The following AP3S1 variants were observed in gnomAD, a reference collection of about 807,000 sequenced individuals.
AP3S1 encodes adaptor related protein complex 3 subunit sigma 1.
A neutral mutation model predicts 21.3 loss-of-function variants in AP3S1; 12 were observed. The observed-to-expected ratio is 0.56, with a 90% confidence interval of 0.36 to 0.91. The LOEUF (loss-of-function observed/expected upper bound fraction) is 0.91. AP3S1 is among the 40% of genes least tolerant of loss of function. The probability of loss-of-function intolerance (pLI) is 0.01; values close to 1 mark genes in which losing one functional copy is unlikely to be tolerated. For missense variants in AP3S1, 116 were observed against 225.0 expected (o/e 0.52, Z 3.10); for synonymous variants, 48 against 78.4 (o/e 0.61, Z 2.05).
At chr5:115,862,300 C>A (rs1763256606) in intron 1 of AP3S1, among the ~76,000 whole-genome samples, 1 of 151,194 alleles carries the variant, frequency 6.6e-6, no homozygotes, top group Non-Finnish European at 1.5e-5. Flanking sequence ...AAAAAACTTG[C>A]CAATTGTGTA....
chr5:115,842,077 C>T lies in AP3S1; in HGVS notation c.40C>T (p.Pro14Ser), dbSNP rs746872767. 2.5e-6 allele frequency: 4 copies of T among 1,582,784 alleles called. No individual in the cohort carries two copies. The highest frequency in any genetic ancestry group is 1.4e-5 in the African/African-American group (1 of 73,474). ...CCTAATCTTCAACAACCACGGGAAG[C>T]CGCGGCTCTCCAAGTTCTACCAGCC... ...AILIFNNHGK[P>S]RLSKFYQPYS... Residue 14 changes from proline to serine, a missense_variant, in exon 1 of 6, where the codon CCG becomes TCG. This residue lies in a region of AP3S1 where 50 missense variants were observed against 55.5 expected (regional missense o/e 0.90). Transcript: ENST00000316788.
At chr5:115,901,363 G>A (rs1232171542) in intron 4 of AP3S1, among the ~76,000 whole-genome samples, 1 of 142,564 alleles carries the variant, frequency 7.0e-6, no homozygotes, top group African/African-American at 2.6e-5. Flanking sequence ...ATAAGTTTCT[G>A]TATGAACTTT....
intron 3 of AP3S1, among the ~76,000 whole-genome samples, chr5:115,873,713 A>C (rs750573410): frequency 5.9e-5 from 9 of 152,156 alleles, no homozygotes; most frequent in Admixed American, 1.3e-4. Flanking sequence ...TCAAATAGCT[A>C]TTCAGAGAGA....
intron 1 of AP3S1, among the ~76,000 whole-genome samples, chr5:115,847,529 A>G (rs1762148297): frequency 1.3e-5 from 2 of 151,486 alleles, no homozygotes; most frequent in African/African-American, 4.9e-5. Flanking sequence ...CTGAGGTGAG[A>G]GGATCACTGA....
At chr5:115,899,458 T>A (rs970025961) in intron 4 of AP3S1, among the ~76,000 whole-genome samples, 1 of 152,166 alleles carries the variant, frequency 6.6e-6, no homozygotes, top group African/African-American at 2.4e-5. Flanking sequence ...TTTTAAAATT[T>A]ATTTATTTTG....
chr5:115,886,492 T>C (rs1437758500), intron 3 of AP3S1, among the ~76,000 whole-genome samples: 1 of 152,218 alleles, frequency 6.6e-6, no homozygotes, highest in African/African-American at 2.4e-5. Context: ...ATATGTTCTC[T>C]TCCTTATGAT....
intron 4 of AP3S1, among the ~76,000 whole-genome samples, chr5:115,897,937 G>C (rs1750896180): frequency 6.6e-6 from 1 of 152,144 alleles, no homozygotes; most frequent in African/African-American, 2.4e-5. Flanking sequence ...GGTCACAACT[G>C]AGTAGATGAA....
In AP3S1 at chr5:115,895,458, G is replaced by A. The variant is rs1172844590; in HGVS notation, c.345+300G>A. Among the ~76,000 whole-genome samples the A allele has an allele frequency of 7.9e-5, 12 of 152,088 alleles. No homozygotes were observed. The East Asian group carries it at 2.1e-3, about 27-fold the overall frequency. ...TCTGCCTAGGAGACTGTGAATGGAG[G>A]AAACTACATTTAAACTGGATTTTTA... On this transcript the variant is annotated intron_variant, in intron 4 of 5. Transcript: ENST00000316788.
At chr5:115,895,051 TA>T (rs1269257371) in intron 3 of AP3S1, 35 bp from the exon 4 acceptor site, 1 of 1,419,756 alleles carries the variant, frequency 7.0e-7, no homozygotes, top group Admixed American at 1.8e-5. Flanking sequence ...TGAATAAATT[TA>T]AACAGTTCTT....
Position 115,859,538 on chromosome 5 carries a change from C to G in AP3S1, c.70-7132C>G, listed in dbSNP as rs540808026. On this transcript the variant is annotated intron_variant, in intron 1 of 5. Transcript: ENST00000316788. ...TTTCAGGCTACTGACATGATGTCAC[C>G]AAATGCAGAATTAGGAAGAGATACA... Among the ~76,000 whole-genome samples the G allele has an allele frequency of 1.3e-4, 20 of 152,266 alleles. No individual in the cohort carries two copies. In the South Asian group the frequency reaches 2.3e-3, roughly 17 times the overall value.
intron 3 of AP3S1, among the ~76,000 whole-genome samples, chr5:115,873,187 A>C (rs770378275): frequency 7.9e-5 from 12 of 152,280 alleles, no homozygotes; most frequent in Non-Finnish European, 1.5e-4. Flanking sequence ...TTCTTATGAG[A>C]AAGTAGTTCT....
intron 3 of AP3S1, among the ~76,000 whole-genome samples, chr5:115,871,176 G>C (rs902247300): frequency 2.0e-5 from 3 of 152,168 alleles, no homozygotes; most frequent in Non-Finnish European, 4.4e-5. Flanking sequence ...AGGGCTGTTT[G>C]ATATACAAGC....
At chr5:115,857,293 AT>A (rs1762868436) in intron 1 of AP3S1, among the ~76,000 whole-genome samples, 1 of 152,234 alleles carries the variant, frequency 6.6e-6, no homozygotes, top group African/African-American at 2.4e-5. Flanking sequence ...TGCTTATTAT[AT>A]GCCAGATATC....
intron 5 of AP3S1, among the ~76,000 whole-genome samples, chr5:115,906,090 G>A (rs138276427): frequency 5.3e-5 from 8 of 152,296 alleles, no homozygotes; most frequent in Non-Finnish European, 8.8e-5. Flanking sequence ...TCCGGGAGGC[G>A]GAGGTTGCAG....
intron 2 of AP3S1, among the ~76,000 whole-genome samples, chr5:115,868,816 A>G (rs150706629): frequency 0.014 from 2,091 of 151,560 alleles, 17 homozygotes; most frequent in African/African-American, 0.017. Context: ...CAGGAGGCAG[A>G]GGCTGCAGTG....
chr5:115,913,350 T>C lies in AP3S1; in HGVS notation c.454-12T>C, dbSNP rs757627533. 15 of 637,544 alleles carry C rather than the reference T, an allele frequency of 2.4e-5. No homozygotes were observed. The highest frequency in any genetic ancestry group is 4.4e-5 in the African/African-American group (1 of 22,704). 39.5% of individuals were successfully genotyped at this position (637,544 alleles called of 1,614,324 possible). On this transcript the variant is annotated splice_polypyrimidine_tract_variant and intron_variant, in intron 5 of 5. Transcript: ENST00000316788. ...TACATTTTCTTTTTCTTTTATTTGC[T>C]TCTGTATACAGGCTGGCTTAGCAGG...
At chr5:115,878,314 T>C (rs190067090) in intron 3 of AP3S1, among the ~76,000 whole-genome samples, 140 of 152,370 alleles carry the variant, frequency 9.2e-4, no homozygotes, top group Non-Finnish European at 1.5e-3. Context: ...GGTTTTCTTC[T>C]AGGGTTTTTA....
chr5:115,899,414 T>A (rs985008052), intron 4 of AP3S1, among the ~76,000 whole-genome samples: 6 of 152,164 alleles, frequency 3.9e-5, no homozygotes, highest in African/African-American at 1.4e-4. Flanking sequence ...AAAGAACTAC[T>A]GGAGAAGATA....
At chr5:115,882,630 C>T (rs1345793689) in intron 3 of AP3S1, among the ~76,000 whole-genome samples, 1 of 152,192 alleles carries the variant, frequency 6.6e-6, no homozygotes, top group Non-Finnish European at 1.5e-5. Flanking sequence ...TATGAGATGT[C>T]TGTTGACCCG....
Sources: allele counts gnomAD v4.1 joint callset (sites outside exome capture counted in the v4.1 genomes callset), GRCh38; gene constraint gnomAD v4.1.1; regional missense constraint gnomAD v4.1.1; transcripts MANE v1.5; gene names NCBI Gene and HGNC (gene_info 2026-07-23, HGNC 2026-07-21).